The following GALNT18 variants were observed in gnomAD, a reference collection of about 807,000 sequenced individuals.
The protein encoded by GALNT18 is polypeptide N-acetylgalactosaminyltransferase 18.
In GALNT18, 44 loss-of-function variants were observed where a neutral mutation model predicts 69.5. The ratio of observed to expected loss-of-function variants is 0.63; its 90% confidence interval spans 0.50 to 0.81. The LOEUF is 0.81. Ranked by LOEUF, GALNT18 falls within the 40% of genes least tolerant of loss-of-function variation. The pLI, the probability that GALNT18 is intolerant of heterozygous loss-of-function variation, is 0.00. For missense variants in GALNT18, 715 were observed against 810.0 expected, an observed-to-expected ratio of 0.88 and a Z score of 1.42; for synonymous variants, 364 against 318.2, an observed-to-expected ratio of 1.14 and a Z score of -1.53.
Position 11,497,877 on chromosome 11 carries a change from T to C in GALNT18, c.236-48941A>G, listed in dbSNP as rs867162780. 1.1e-4 allele frequency among the ~76,000 whole-genome samples: 16 copies of C among 152,070 alleles called. No homozygotes were observed. Among genetic ancestry groups the C allele is most frequent in the Non-Finnish European group, 8.8e-5 (6 of 68,022 alleles). ...CTTCTATTTGAGCTGTGTCTCCAGA[T>C]TGGAGTTCTACATCTTTGTTTTCCC... On this transcript the variant is annotated intron_variant, in intron 1 of 10. Transcript: ENST00000227756. This position sits in a 1 kb window ranked among gnomAD's most constrained non-coding sequence, Gnocchi z 4.2.
chr11:11,435,573 C>T lies in GALNT18; in HGVS notation c.429-2786G>A, dbSNP rs558399274. ...TGCCCCTCTCTACTAGAATGAAGCC[C>T]CCTGAGAGCAGGAACTTTGCTTTTG... On this transcript the variant is annotated intron_variant, in intron 2 of 10. Transcript: ENST00000227756. The surrounding 1 kb of genome is among the most constrained non-coding windows in gnomAD (Gnocchi z 4.4). Among the ~76,000 whole-genome samples, 2 of 152,160 alleles carry T rather than the reference C, an allele frequency of 1.3e-5. No individual in the cohort carries two copies. Among genetic ancestry groups the T allele is most frequent in the East Asian group, 3.8e-4 (2 of 5,196 alleles).
At chr11:11,299,445 C>T (rs115746659) in intron 9 of GALNT18, among the ~76,000 whole-genome samples, 2,234 of 152,258 alleles carry the variant, frequency 0.015, 56 homozygotes, top group African/African-American at 0.051. Context: ...GTGCCTGGCC[C>T]CATTGTGTAT....
At chr11:11,414,481 T>G (rs1223187882) in intron 3 of GALNT18, among the ~76,000 whole-genome samples, 2 of 152,200 alleles carry the variant, frequency 1.3e-5, no homozygotes, top group Non-Finnish European at 2.9e-5. Flanking sequence ...TGCTGTTCCC[T>G]CTGCCTGGAA....
At chr11:11,379,343 A>G in intron 3 of GALNT18, 79 bp from the exon 4 acceptor site, 1 of 1,376,804 alleles carries the variant, frequency 7.3e-7, no homozygotes, top group East Asian at 2.3e-5. Context: ...TCACTCTTTT[A>G]GTGATGACCC....
chr11:11,557,366 T>G (rs1486116083), intron 1 of GALNT18, among the ~76,000 whole-genome samples: 1 of 152,196 alleles, frequency 6.6e-6, no homozygotes, highest in African/African-American at 2.4e-5. Flanking sequence ...AACTTTTGTC[T>G]CAGCCACTTA....
rs550720340 is a variant in GALNT18, at chr11:11,602,620, C to A, written c.235+18739G>T. On this transcript the variant is annotated intron_variant, in intron 1 of 10. Transcript: ENST00000227756. This position sits in a 1 kb window ranked among gnomAD's most constrained non-coding sequence, Gnocchi z 4.7. The stretch of plus-strand genomic sequence containing the variant: ...ATAAGTGTTTCTTCATTTTATGTAT[C>A]TCATCAGGGCAATTTCCAGGGACTT... 6.6e-5 allele frequency among the ~76,000 whole-genome samples: 10 copies of A among 152,228 alleles called. No homozygotes were observed. The highest frequency in any genetic ancestry group is 1.0e-4 in the Non-Finnish European group (7 of 68,004).
chr11:11,283,421 A>G (rs1286917841), intron 10 of GALNT18, among the ~76,000 whole-genome samples: 1 of 152,204 alleles, frequency 6.6e-6, no homozygotes, highest in Non-Finnish European at 1.5e-5. Context: ...TGCTGGAATT[A>G]CAAGCAAGAC....
chr11:11,321,506 C>G (rs1466387017), intron 9 of GALNT18, among the ~76,000 whole-genome samples: 1 of 152,216 alleles, frequency 6.6e-6, no homozygotes, highest in Non-Finnish European at 1.5e-5. Context: ...CCCTTGAACT[C>G]AGGCATCCCA....
At chr11:11,300,422 T>C (rs1849473520) in intron 9 of GALNT18, among the ~76,000 whole-genome samples, 1 of 152,172 alleles carries the variant, frequency 6.6e-6, no homozygotes. Flanking sequence ...AACAACGGAA[T>C]TGGCCAGGGA....
chr11:11,525,022 G>C (rs1196726796), intron 1 of GALNT18, among the ~76,000 whole-genome samples: 1 of 152,156 alleles, frequency 6.6e-6, no homozygotes, highest in African/African-American at 2.4e-5. Context: ...ACTAAGTCCA[G>C]GGTTATCAGA....
At chr11:11,301,976 T>C (rs542689079) in intron 9 of GALNT18, among the ~76,000 whole-genome samples, 30 of 152,272 alleles carry the variant, frequency 2.0e-4, no homozygotes, top group Admixed American at 1.4e-3. Context: ...GTAATGAGTC[T>C]AAAGACAACA....
chr11:11,527,726 C>T (rs115354096), intron 1 of GALNT18, among the ~76,000 whole-genome samples: 265 of 152,310 alleles, frequency 1.7e-3, no homozygotes, highest in African/African-American at 6.2e-3. Flanking sequence ...CAAATTCCTC[C>T]CCTCAGTCTT....
rs546982367 is a variant in GALNT18 at position 11,505,375 on chromosome 11, T to C, written c.236-56439A>G. On this transcript the variant is annotated intron_variant, in intron 1 of 10. Transcript: ENST00000227756. The surrounding 1 kb of genome is among the most constrained non-coding windows in gnomAD (Gnocchi z 4.6). ...GAGTTACCAGATTCTTGAATCTCTA[T>C]GAAGGATGGCAGGCAGATGGCATGC... 1.3e-5 allele frequency among the ~76,000 whole-genome samples: 2 copies of C among 152,296 alleles called. No individual in the cohort carries two copies. Among genetic ancestry groups the C allele is most frequent in the African/African-American group, 4.8e-5 (2 of 41,558 alleles).
rs758599462 is a variant in GALNT18 at position 11,432,553 on chromosome 11, C to T, written c.595+68G>A. ...AGCCTTGAGCAAATGTGAACCACGA[C>T]GCTGAACCATCAGCTTAGATGTCAG... On this transcript the variant is annotated intron_variant, in intron 3 of 10. Transcript: ENST00000227756. This position sits in a 1 kb window ranked among gnomAD's most constrained non-coding sequence, Gnocchi z 5.8. 2.8e-5 allele frequency: 42 copies of T among 1,484,886 alleles called. No homozygotes were observed. Among genetic ancestry groups the T allele is most frequent in the East Asian group, 7.4e-5 (3 of 40,626 alleles). The allele number at this position is 1,484,886 out of a possible 1,614,324, so 92.0% of individuals were successfully genotyped here. A position where few individuals can be genotyped will look rare whatever the true frequency, so the allele number is the denominator to read the frequency against.
intron 1 of GALNT18, among the ~76,000 whole-genome samples, chr11:11,557,509 T>C (rs1858359484): frequency 6.6e-6 from 1 of 152,212 alleles, no homozygotes; most frequent in Non-Finnish European, 1.5e-5. Context: ...CACACAGCTC[T>C]GGACCCAACA....
chr11:11,513,955 T>C (rs950222848), intron 1 of GALNT18, among the ~76,000 whole-genome samples: 1 of 149,214 alleles, frequency 6.7e-6, no homozygotes, highest in African/African-American at 2.5e-5. Flanking sequence ...GGCAAACTAC[T>C]GGTGAGCAGC....
chr11:11,608,612 C>G (rs1859811770), intron 1 of GALNT18, among the ~76,000 whole-genome samples: 1 of 152,132 alleles, frequency 6.6e-6, no homozygotes, highest in Admixed American at 6.5e-5. Context: ...CCACCCGTCT[C>G]GGCCTCCCAA....
chr11:11,551,572 T>C (rs1038024891), intron 1 of GALNT18, among the ~76,000 whole-genome samples: 2 of 152,046 alleles, frequency 1.3e-5, no homozygotes, highest in African/African-American at 4.8e-5. Flanking sequence ...CTTACTCCCA[T>C]GGAGAGAACA....
In GALNT18 at chr11:11,494,871, G is replaced by A. The variant is rs747129226; in HGVS notation, c.236-45935C>T. On this transcript the variant is annotated intron_variant, in intron 1 of 10. Coordinates refer to ENST00000227756, the MANE Select transcript of GALNT18 (RefSeq NM_198516.3). The surrounding 1 kb of genome is among the most constrained non-coding windows in gnomAD (Gnocchi z 5.7). Reference sequence around the variant, plus strand: ...CAACTCCAACCATGATCATCTGGGAGTGTTGCAAATCAGATGCCAAATTCC... The same window carrying A: ...CAACTCCAACCATGATCATCTGGGAATGTTGCAAATCAGATGCCAAATTCC... Among the ~76,000 whole-genome samples, 119 of 152,178 alleles carry A rather than the reference G, an allele frequency of 7.8e-4. No homozygotes were observed. Among genetic ancestry groups the A allele is most frequent in the Admixed American group, 2.7e-3 (41 of 15,288 alleles).
Sources: allele counts gnomAD v4.1 joint callset (sites outside exome capture counted in the v4.1 genomes callset), GRCh38; gene constraint gnomAD v4.1.1; non-coding constraint Gnocchi (gnomAD v3.1); transcripts MANE v1.5; gene names NCBI Gene and HGNC (gene_info 2026-07-23, HGNC 2026-07-21).